GFRA1: variants seen among roughly 807,000 people sequenced by gnomAD.
GFRA1 encodes the protein GDNF family receptor alpha 1.
Under a neutral mutation model 51.6 loss-of-function variants are expected in GFRA1, and 16 were observed. The ratio of observed to expected loss-of-function variants is 0.31; its 90% CI spans 0.21 to 0.47. The LOEUF is 0.47. GFRA1 is among the 20% of genes least tolerant of loss of function. GFRA1 has a pLI of 1.00. For synonymous variants in GFRA1, 270 were observed against 241.3 expected, an observed-to-expected ratio of 1.12 and a Z score of -1.10; for missense variants, 530 against 594.3, an observed-to-expected ratio of 0.89 and a Z score of 1.13.
Position 116,083,620 on chromosome 10 carries a change from A to AT in GFRA1, c.1197+6120dup, listed in dbSNP as rs1198640418. On this transcript the variant is annotated intron_variant, in intron 9 of 10. Coordinates refer to ENST00000355422, the MANE Select transcript of GFRA1 (RefSeq NM_005264.8). ...TTCCTTTTAAAACTCGACACTTAAA[A>AT]TTTTCACTTGGTCACAGCCAGTGGA... 5.1e-4 allele frequency among the ~76,000 whole-genome samples: 78 copies of AT among 152,152 alleles called. 1 individual carries two copies. Among genetic ancestry groups the AT allele is most frequent in the Non-Finnish European group, 2.1e-4 (14 of 68,034 alleles).
intron 9 of GFRA1, among the ~76,000 whole-genome samples, chr10:116,079,766 C>G (rs1303115263): frequency 6.6e-6 from 1 of 152,062 alleles, no homozygotes; most frequent in Non-Finnish European, 1.5e-5. Context: ...CAACTCACAG[C>G]CAAGAGGTTA....
chr10:116,170,749 G>A (rs1460242767), intron 5 of GFRA1, among the ~76,000 whole-genome samples: 2 of 152,144 alleles, frequency 1.3e-5, no homozygotes, highest in African/African-American at 2.4e-5. Flanking sequence ...TTATGTAAAT[G>A]TAAACCTATT....
chr10:116,223,521 A>T (rs1966073506), intron 4 of GFRA1, among the ~76,000 whole-genome samples: 1 of 152,134 alleles, frequency 6.6e-6, no homozygotes. Context: ...GTCCCATGTC[A>T]TGGCTGTGCA....
chr10:116,117,565 A>ATGGATGGGTGGGTGGGTGGGTGGGTGGG (rs1957471707), intron 6 of GFRA1, among the ~76,000 whole-genome samples: 1 of 141,854 alleles, frequency 7.0e-6, no homozygotes, highest in African/African-American at 2.9e-5. Context: ...GTGTGGATGG[A>ATGGATGGGTGGGTGGGTGGGTGGGTGGG]TGGATGGATG....
chr10:116,146,547 T>A (rs764533755), intron 5 of GFRA1, among the ~76,000 whole-genome samples: 52 of 152,238 alleles, frequency 3.4e-4, no homozygotes, highest in Admixed American at 5.9e-4. Context: ...ATCCTGTTCC[T>A]CCATGTCATG....
chr10:116,188,927 G>C (rs1962990585), intron 5 of GFRA1, among the ~76,000 whole-genome samples: 1 of 149,720 alleles, frequency 6.7e-6, no homozygotes, highest in Non-Finnish European at 1.5e-5. Flanking sequence ...TAAATGTTAT[G>C]TTATCTACAG....
intron 5 of GFRA1, among the ~76,000 whole-genome samples, chr10:116,167,510 C>T (rs1005262306): frequency 1.3e-5 from 2 of 152,142 alleles, no homozygotes; most frequent in Non-Finnish European, 2.9e-5. Context: ...GGGCCCAATG[C>T]CTGGCATGTA....
Position 116,269,251 on chromosome 10 carries a change from TACTC to T in GFRA1, c.418+248_418+251del, listed in dbSNP as rs896687393. On this transcript the variant is annotated intron_variant, in intron 4 of 10. Coordinates refer to ENST00000355422, the MANE Select transcript of GFRA1 (RefSeq NM_005264.8). Reference sequence around the variant, plus strand: ...ATATTTTAATGTGGAAAAAAAAAAATACTCAACCAAGTCACCTCCCTCGAACCTC... The same window carrying T: ...ATATTTTAATGTGGAAAAAAAAAAATAACCAAGTCACCTCCCTCGAACCTC... Among the ~76,000 whole-genome samples the T allele has an allele frequency of 7.3e-5, 11 of 150,994 alleles. No individual in the cohort carries two copies. The East Asian group carries it at 1.4e-3, about 19-fold the overall frequency.
chr10:116,119,707 A>G (rs1957566058), intron 6 of GFRA1, among the ~76,000 whole-genome samples: 1 of 152,192 alleles, frequency 6.6e-6, no homozygotes, highest in Non-Finnish European at 1.5e-5. Context: ...GATGTCCTTG[A>G]TCTCTAAGAT....
At chr10:116,166,630 A>G (rs967155028) in intron 5 of GFRA1, among the ~76,000 whole-genome samples, 1 of 151,980 alleles carries the variant, frequency 6.6e-6, no homozygotes, top group Non-Finnish European at 1.5e-5. Flanking sequence ...CCCACCGCCA[A>G]GTGTCTTCTA....
Position 116,265,457 on chromosome 10 carries a change from C to T in GFRA1, c.418+4046G>A, listed in dbSNP as rs188765640. 1.8e-3 allele frequency among the ~76,000 whole-genome samples: 274 copies of T among 152,274 alleles called. 1 individual carries two copies. The highest frequency in any genetic ancestry group is 6.4e-3 in the African/African-American group (267 of 41,538). On this transcript the variant is annotated intron_variant, in intron 4 of 10. Coordinates refer to ENST00000355422, the MANE Select transcript of GFRA1 (RefSeq NM_005264.8). The stretch of plus-strand genomic sequence containing the variant: ...GAGGTGCTTCTGTCCTCCCTCTGTT[C>T]CCCATCCTCAGGCTTTTCTTAGCAC...
At chr10:116,217,668 G>A (rs3781551) in intron 4 of GFRA1, among the ~76,000 whole-genome samples, 55,091 of 152,012 alleles carry the variant, frequency 0.36, 10,818 homozygotes, top group African/African-American at 0.52. Flanking sequence ...AAAAACTCAG[G>A]TTCTGAAGTC....
intron 5 of GFRA1, among the ~76,000 whole-genome samples, chr10:116,148,175 T>C (rs1474315446): frequency 6.6e-6 from 1 of 151,428 alleles, no homozygotes; most frequent in African/African-American, 2.4e-5. Flanking sequence ...TGTCTTCCGG[T>C]TTCACCTTAC....
chr10:116,106,437 T>A (rs1401390702), intron 6 of GFRA1, among the ~76,000 whole-genome samples: 1 of 152,232 alleles, frequency 6.6e-6, no homozygotes, highest in Non-Finnish European at 1.5e-5. Flanking sequence ...CTCTGAAGCC[T>A]AGTGATATAG....
At chr10:116,119,781 A>G (rs1182484525) in intron 6 of GFRA1, among the ~76,000 whole-genome samples, 1 of 152,224 alleles carries the variant, frequency 6.6e-6, no homozygotes, top group African/African-American at 2.4e-5. Flanking sequence ...TCACCTTTTA[A>G]AGGTGCACTA....
At chr10:116,126,199 C>G (rs1223376333) in intron 5 of GFRA1, among the ~76,000 whole-genome samples, 1 of 152,244 alleles carries the variant, frequency 6.6e-6, no homozygotes, top group East Asian at 1.9e-4. Context: ...CCACTTAACT[C>G]ACCACAGACA....
intron 5 of GFRA1, among the ~76,000 whole-genome samples, chr10:116,165,122 G>A (rs565621089): frequency 6.6e-6 from 1 of 152,282 alleles, no homozygotes; most frequent in African/African-American, 2.4e-5. Flanking sequence ...AAATCTCTGA[G>A]TCTGAGGTGA....
intron 9 of GFRA1, among the ~76,000 whole-genome samples, chr10:116,073,022 G>A (rs1389488448): frequency 6.6e-6 from 1 of 152,054 alleles, no homozygotes; most frequent in Non-Finnish European, 1.5e-5. Context: ...ACGCTAATTG[G>A]GCCTGCGAAC....
intron 5 of GFRA1, among the ~76,000 whole-genome samples, chr10:116,152,803 G>A (rs2134144652): frequency 6.6e-6 from 1 of 152,346 alleles, no homozygotes; most frequent in Admixed American, 6.5e-5. Context: ...AGGCAAAGAT[G>A]TGCTGTGAAC....
Sources: gnomAD v4.1 joint callset for allele counts (sites outside exome capture counted in the v4.1 genomes callset) on GRCh38, gnomAD v4.1.1 for gene constraint, MANE v1.5 for transcripts, NCBI Gene and HGNC (gene_info 2026-07-23, HGNC 2026-07-21) for gene names.